ALK: variants seen among roughly 807,000 people sequenced by gnomAD.
ALK encodes ALK receptor tyrosine kinase, also known as ALK tyrosine kinase receptor.
In ALK, 74 loss-of-function variants were observed where a neutral mutation model predicts 163.1. The observed-to-expected ratio is 0.45, with a 90% confidence interval of 0.38 to 0.55. The LOEUF (loss-of-function observed/expected upper bound fraction) is 0.55, where lower values mean the gene tolerates loss of function less well. ALK is among the 20% of genes least tolerant of loss of function. The pLI is 0.00. For synonymous variants in ALK, 960 were observed against 843.2 expected, an observed-to-expected ratio of 1.14 and a Z score of -2.40; for missense variants, 2,063 against 2,105.3, an observed-to-expected ratio of 0.98 and a Z score of 0.39.
chr2:29,506,053 T>C (rs112144591), intron 4 of ALK, among the ~76,000 whole-genome samples: 198 of 152,286 alleles, frequency 1.3e-3, no homozygotes, highest in African/African-American at 4.5e-3. Flanking sequence ...CGATGATCTT[T>C]AGGGCCAGTG....
chr2:29,240,152 C>CAGAGAGAGGGGGAGAGAG (rs142234574), intron 12 of ALK, among the ~76,000 whole-genome samples: 3 of 143,298 alleles, frequency 2.1e-5, no homozygotes, highest in African/African-American at 7.8e-5. Flanking sequence ...AGGGAAACAG[C>CAGAGAGAGGGGGAGAGAG]AGAGAGAGAG....
rs551607210 is a variant in ALK at position 29,468,890 on chromosome 2, C to T, written c.1154+63025G>A. ...AAAAAAAAAAAAAAAAGAACTAGCA[C>T]ACCAAAGAACTACAGTAACTGCCTT... On this transcript the variant is annotated intron_variant, in intron 4 of 28. Coordinates refer to ENST00000389048, the MANE Select transcript of ALK (RefSeq NM_004304.5). Among the ~76,000 whole-genome samples, 18 of 142,820 alleles carry T rather than the reference C, an allele frequency of 1.3e-4. No homozygotes were observed. In the South Asian group the frequency reaches 4.1e-3, roughly 33 times the overall value. 93.7% of individuals were successfully genotyped at this position (142,820 alleles called of 152,430 possible).
chr2:29,880,131 G>A (rs1666817700), intron 1 of ALK, among the ~76,000 whole-genome samples: 1 of 152,174 alleles, frequency 6.6e-6, no homozygotes, highest in Non-Finnish European at 1.5e-5. Context: ...TCCTTGGAGA[G>A]ATGTCTGCCT....
At chr2:29,635,713 A>T (rs1418378823) in intron 3 of ALK, among the ~76,000 whole-genome samples, 7 of 151,546 alleles carry the variant, frequency 4.6e-5, no homozygotes, top group Non-Finnish European at 5.9e-5. Context: ...AGTGATTCTC[A>T]TGCCTCAGAC....
intron 2 of ALK, among the ~76,000 whole-genome samples, chr2:29,704,638 C>T (rs1278518735): frequency 6.6e-6 from 1 of 152,174 alleles, no homozygotes; most frequent in Non-Finnish European, 1.5e-5. Context: ...CAACTCACCT[C>T]CAATAAAGCT....
In ALK at chr2:29,531,900, T is replaced by C. The variant is rs769959599; in HGVS notation, c.1154+15A>G. 1.9e-6 allele frequency: 3 copies of C among 1,613,944 alleles called. No individual in the cohort carries two copies. The highest frequency in any genetic ancestry group is 2.2e-5 in the South Asian group (2 of 91,064). ...CCTGGTATAAAATCAATTTTGGACATGGAGAAGTACTTACCCATGCTTCCC... is the reference window on the plus strand; with the variant it reads ...CCTGGTATAAAATCAATTTTGGACACGGAGAAGTACTTACCCATGCTTCCC... On this transcript the variant is annotated intron_variant, in intron 4 of 28. Coordinates refer to ENST00000389048, the MANE Select transcript of ALK (RefSeq NM_004304.5).
intron 3 of ALK, among the ~76,000 whole-genome samples, chr2:29,635,942 G>C (rs1558419027): frequency 6.6e-6 from 1 of 152,020 alleles, no homozygotes; most frequent in Non-Finnish European, 1.5e-5. Context: ...CATTTCTATT[G>C]TTTTAAATGA....
intron 3 of ALK, among the ~76,000 whole-genome samples, chr2:29,604,034 C>A (rs1675451059): frequency 6.6e-6 from 1 of 152,034 alleles, no homozygotes; most frequent in Non-Finnish European, 1.5e-5. Flanking sequence ...TACCACAAGG[C>A]TAGGATCAAG....
intron 4 of ALK, among the ~76,000 whole-genome samples, chr2:29,443,922 G>T (rs1245786088): frequency 6.6e-6 from 1 of 152,146 alleles, no homozygotes; most frequent in South Asian, 2.1e-4. Context: ...CTTCTGAAGG[G>T]CATTCTGCGT....
At chr2:29,577,107 A>G (rs1674546623) in intron 3 of ALK, among the ~76,000 whole-genome samples, 1 of 152,096 alleles carries the variant, frequency 6.6e-6, no homozygotes, top group Non-Finnish European at 1.5e-5. Flanking sequence ...GCTGCTCTGG[A>G]GAACTTCTTA....
At chr2:29,618,118 T>C (rs576214337) in intron 3 of ALK, among the ~76,000 whole-genome samples, 9 of 152,282 alleles carry the variant, frequency 5.9e-5, no homozygotes, top group African/African-American at 2.2e-4. Flanking sequence ...TGCTCTTAGG[T>C]GCTGACCAAC....
chr2:29,881,082 A>C (rs894336472), intron 1 of ALK, among the ~76,000 whole-genome samples: 1 of 152,196 alleles, frequency 6.6e-6, no homozygotes, highest in African/African-American at 2.4e-5. Context: ...TCAACTGTGT[A>C]GTCTCACGGA....
intron 7 of ALK, among the ~76,000 whole-genome samples, chr2:29,318,865 C>T (rs962474304): frequency 6.6e-6 from 1 of 152,166 alleles, no homozygotes; most frequent in Non-Finnish European, 1.5e-5. Context: ...TGCGCCTGGC[C>T]AACAATTTCA....
chr2:29,816,316 C>T (rs1324882498), intron 1 of ALK, among the ~76,000 whole-genome samples: 4 of 152,130 alleles, frequency 2.6e-5, no homozygotes, highest in Non-Finnish European at 5.9e-5. Context: ...AACCTGTTTC[C>T]TTCTCTCTAG....
At chr2:29,269,520 C>T (rs1665321831) in intron 11 of ALK, among the ~76,000 whole-genome samples, 1 of 152,188 alleles carries the variant, frequency 6.6e-6, no homozygotes, top group African/African-American at 2.4e-5. Flanking sequence ...GGAAGGGAGA[C>T]ACACCCAAAT....
chr2:29,691,991 G>A (rs1018587738), intron 3 of ALK, among the ~76,000 whole-genome samples: 3 of 152,128 alleles, frequency 2.0e-5, no homozygotes, highest in African/African-American at 7.2e-5. Flanking sequence ...CAAAAAAAAT[G>A]TTTCTAGAGG....
At chr2:29,539,229 C>T (rs1673348117) in intron 3 of ALK, among the ~76,000 whole-genome samples, 2 of 152,244 alleles carry the variant, frequency 1.3e-5, no homozygotes, top group South Asian at 4.1e-4. Flanking sequence ...TTATAATCTT[C>T]TCTATAGATC....
chr2:29,376,623 G>A (rs541761717), intron 5 of ALK, among the ~76,000 whole-genome samples: 1 of 152,282 alleles, frequency 6.6e-6, no homozygotes, highest in African/African-American at 2.4e-5. Flanking sequence ...TTTGCTGCTG[G>A]CAGCCCCAAG....
chr2:29,377,153 T>C (rs1366599240), intron 5 of ALK, among the ~76,000 whole-genome samples: 1 of 152,134 alleles, frequency 6.6e-6, no homozygotes, highest in African/African-American at 2.4e-5. Flanking sequence ...AAGTGTAACA[T>C]CTAGGACCAG....
Sources: gnomAD v4.1 joint callset for allele counts (sites outside exome capture counted in the v4.1 genomes callset) on GRCh38, gnomAD v4.1.1 for gene constraint, MANE v1.5 for transcripts, NCBI Gene and HGNC (gene_info 2026-07-23, HGNC 2026-07-21) for gene names.